The following ZEB1 variants were observed in gnomAD, a reference collection of about 807,000 sequenced individuals.
ZEB1 encodes the protein zinc finger E-box-binding homeobox 1.
ZEB1 carries 21 observed loss-of-function variants against 84.9 expected under a neutral mutation model. That is an observed-to-expected ratio of 0.25 (90% CI 0.18 to 0.36). ZEB1 has a LOEUF of 0.36. Among genes scored for constraint, ZEB1 ranks in the 10% least tolerant of loss-of-function variants. The pLI is 1.00. For synonymous variants in ZEB1, 420 were observed against 471.1 expected, an observed-to-expected ratio of 0.89 and a Z score of 1.41; for missense variants, 1,104 against 1,330.2, an observed-to-expected ratio of 0.83 and a Z score of 2.65.
chr10:31,319,569 T>TAGCCGG, intron 1 of ZEB1: 1 of 379,776 alleles, frequency 2.6e-6, no homozygotes, highest in South Asian at 4.8e-5. Flanking sequence ...CCTGGACCGT[T>TAGCCGG]AGCCGGCGCC....
chr10:31,416,345 A>C (rs986231829), intron 1 of ZEB1, among the ~76,000 whole-genome samples: 2 of 152,138 alleles, frequency 1.3e-5, no homozygotes, highest in African/African-American at 2.4e-5. Flanking sequence ...TTTATGGCTT[A>C]CTACTTTAAT....
intron 1 of ZEB1, among the ~76,000 whole-genome samples, chr10:31,322,528 G>C (rs2034394259): frequency 6.6e-6 from 1 of 152,182 alleles, no homozygotes; most frequent in Non-Finnish European, 1.5e-5. Flanking sequence ...ATTAAAAGGA[G>C]TATCAGGTAA....
chr10:31,453,196 A>G (rs2060811069), intron 1 of ZEB1, among the ~76,000 whole-genome samples: 1 of 152,186 alleles, frequency 6.6e-6, no homozygotes, highest in Non-Finnish European at 1.5e-5. Flanking sequence ...TGTCCTCTGG[A>G]AAGAAAAGCC....
chr10:31,501,945 T>C (rs1280821474), intron 3 of ZEB1, among the ~76,000 whole-genome samples: 1 of 152,188 alleles, frequency 6.6e-6, no homozygotes, highest in African/African-American at 2.4e-5. Context: ...CTGTCTATTG[T>C]CCAACTTTAA....
chr10:31,421,866 G>A (rs2056215815), intron 1 of ZEB1, among the ~76,000 whole-genome samples: 1 of 152,076 alleles, frequency 6.6e-6, no homozygotes, highest in African/African-American at 2.4e-5. Context: ...TGCCTGACCT[G>A]TGACAAAAGC....
chr10:31,382,405 A>G (rs557407010), intron 1 of ZEB1, among the ~76,000 whole-genome samples: 30 of 152,298 alleles, frequency 2.0e-4, no homozygotes, highest in African/African-American at 7.2e-4. Context: ...TTCATTTTGT[A>G]AAACATAGAT....
chr10:31,516,599 T>C (rs1216954794), intron 6 of ZEB1, among the ~76,000 whole-genome samples: 2 of 139,278 alleles, frequency 1.4e-5, no homozygotes, highest in Non-Finnish European at 3.1e-5. Flanking sequence ...GAAAAAGGAC[T>C]ATTCTTCCTT....
chr10:31,452,742 TGAGAGAGAGAGAGA>T (rs35403055), intron 1 of ZEB1, among the ~76,000 whole-genome samples: 90 of 90,726 alleles, frequency 9.9e-4, no homozygotes, highest in Non-Finnish European at 1.5e-3. Flanking sequence ...TGTGTGTGTG[TGAGAGAGAGAGAGA>T]GAGAGAGAGA....
At position 31,359,639 on chromosome 10, in the gene ZEB1, A is replaced by G. The variant is rs114900606; in HGVS notation, c.58+40347A>G. On this transcript the variant is annotated intron_variant, in intron 1 of 8. Transcript: ENST00000424869. ...TTATTACTAACTGATGTTATTAACT[A>G]TATTTATAATTTGTACACTCTATTC... Among the ~76,000 whole-genome samples the G allele has an allele frequency of 7.0e-3, 1,073 of 152,270 alleles. 11 individuals carry two copies. The highest frequency in any genetic ancestry group is 0.024 in the African/African-American group (982 of 41,550).
At chr10:31,469,566 C>G (rs2062911893) in intron 2 of ZEB1, among the ~76,000 whole-genome samples, 1 of 152,228 alleles carries the variant, frequency 6.6e-6, no homozygotes, top group African/African-American at 2.4e-5. Context: ...GGTCCTACGC[C>G]CACGGAGTCT....
At chr10:31,442,102 T>G (rs1483806773) in intron 1 of ZEB1, among the ~76,000 whole-genome samples, 1 of 152,208 alleles carries the variant, frequency 6.6e-6, no homozygotes, top group Non-Finnish European at 1.5e-5. Context: ...TAAAGACACA[T>G]GCACATGTAT....
rs887127862 is a variant in ZEB1, at chr10:31,461,307, AGAT to A, written c.259+71_259+73del. 2.1e-6 allele frequency: 3 copies of A among 1,452,240 alleles called. No individual in the cohort carries two copies. The African/African-American group carries it at 4.3e-5, about 21-fold the overall frequency. 90.0% of individuals were successfully genotyped at this position (1,452,240 alleles called of 1,614,324 possible). ...TTTTTAAAATATATATTAACTGAAA[AGAT>A]AAATTGGATGAAAAGTTTGAAATCA... On this transcript the variant is annotated intron_variant, in intron 2 of 8. Transcript: ENST00000424869.
At chr10:31,408,673 G>A (rs1412863928) in intron 1 of ZEB1, among the ~76,000 whole-genome samples, 1 of 144,532 alleles carries the variant, frequency 6.9e-6, no homozygotes. Context: ...AAATGGTGCT[G>A]GGAAAACTGG....
chr10:31,350,232 G>A (rs1314197304), intron 1 of ZEB1, among the ~76,000 whole-genome samples: 2 of 152,050 alleles, frequency 1.3e-5, no homozygotes, highest in Non-Finnish European at 2.9e-5. Flanking sequence ...GACCATAAAT[G>A]TGTGGTCTCT....
At chr10:31,450,251 G>A (rs1455701343) in intron 1 of ZEB1, among the ~76,000 whole-genome samples, 1 of 152,118 alleles carries the variant, frequency 6.6e-6, no homozygotes, top group African/African-American at 2.4e-5. Flanking sequence ...TACATAGAAT[G>A]CTAGTTTTCT....
chr10:31,424,132 C>G (rs987110396), intron 1 of ZEB1, among the ~76,000 whole-genome samples: 1 of 151,752 alleles, frequency 6.6e-6, no homozygotes, highest in South Asian at 2.1e-4. Context: ...CAACATTTTA[C>G]GTTTTCTCTA....
rs2072124782 is a variant in ZEB1 at position 31,520,682 on chromosome 10, A to T, written c.1350A>T (p.Ile450=). ...KEQETINASP[I]QQGGHSVISA... is the part of the protein sequence containing the mutation. Reference sequence around the variant, plus strand: ...AAGAAACAATCAATGCTTCACCCATACAACAAGGTGGCCATTCTGTTATTT... The same window carrying T: ...AAGAAACAATCAATGCTTCACCCATTCAACAAGGTGGCCATTCTGTTATTT... Residue 450 remains isoleucine, a synonymous_variant, in exon 7 of 9, where the codon ATA becomes ATT. Transcript: ENST00000424869. The surrounding 1 kb of genome is among the most constrained non-coding windows in gnomAD (Gnocchi z 5.1). 1.2e-6 allele frequency: 2 copies of T among 1,613,996 alleles called. No individual in the cohort carries two copies. The highest frequency in any genetic ancestry group is 2.7e-5 in the African/African-American group (2 of 74,938).
chr10:31,445,649 C>T (rs2059664668), intron 1 of ZEB1, among the ~76,000 whole-genome samples: 1 of 150,910 alleles, frequency 6.6e-6, no homozygotes. Flanking sequence ...TTGTCAAAGG[C>T]TTTTTCTGCA....
At chr10:31,406,618 A>G (rs931652495) in intron 1 of ZEB1, among the ~76,000 whole-genome samples, 5 of 152,186 alleles carry the variant, frequency 3.3e-5, no homozygotes, top group African/African-American at 9.6e-5. Context: ...ATAGGTTGCA[A>G]AAATCTTCTC....
Sources: gnomAD v4.1 joint callset for allele counts (sites outside exome capture counted in the v4.1 genomes callset) on GRCh38, gnomAD v4.1.1 for gene constraint, Gnocchi (gnomAD v3.1) non-coding constraint, MANE v1.5 for transcripts, NCBI Gene and HGNC (gene_info 2026-07-23, HGNC 2026-07-21) for gene names.